ZNF483: variants seen among roughly 807,000 people sequenced by gnomAD.
ZNF483 encodes zinc finger protein 483, also known as zinc finger protein HIT-10.
ZNF483 carries 9 observed loss-of-function variants against 28.6 expected under a neutral mutation model. That is an observed-to-expected ratio of 0.32 (90% confidence interval 0.19 to 0.55). The LOEUF (loss-of-function observed/expected upper bound fraction) is 0.55, where lower values mean the gene tolerates loss of function less well. Ranked by LOEUF, ZNF483 falls within the 20% of genes least tolerant of loss-of-function variation. ZNF483 has a pLI of 0.93. For missense variants in ZNF483, 675 were observed against 871.7 expected, an observed-to-expected ratio of 0.77 and a Z score of 2.84; for synonymous variants, 322 against 306.2, an observed-to-expected ratio of 1.05 and a Z score of -0.54.
chr9:111,530,114 C>T (rs7868793), intron 2 of ZNF483, among the ~76,000 whole-genome samples: 51,638 of 151,976 alleles, frequency 0.34, 9,539 homozygotes, highest in Non-Finnish European at 0.42. Context: ...TGGAACTCAG[C>T]TCCACCCCCC....
In ZNF483 at chr9:111,542,164, C is replaced by T; in HGVS notation, c.1229C>T (p.Thr410Ile). Residue 410 changes from threonine (T) to isoleucine (I), a missense_variant, in exon 6 of 6, where the codon ACC becomes ATC. Thr to Ile is a moderately conservative substitution (Grantham distance 89). This residue lies in a region of ZNF483 where 525 missense variants were observed against 581.8 expected (regional missense o/e 0.90). Transcript: ENST00000309235. This position sits in a 1 kb window ranked among gnomAD's most constrained non-coding sequence, Gnocchi z 6.2. The stretch of plus-strand genomic sequence containing the variant: ...AGATCAACTCTTTCTAGGAGAAAAA[C>T]CCCTATGTGTGAGAAATGTCGGAAA... ...IRRSTLSRRK[T>I]PMCEKCRKDS... The T allele has an allele frequency of 6.2e-7, 1 of 1,613,958 alleles. No individual in the cohort carries two copies. The highest frequency in any genetic ancestry group is 8.5e-7 in the Non-Finnish European group (1 of 1,180,014).
At chr9:111,563,391 G>T in intron 5 of ZNF483, 1 of 639,990 alleles carries the variant, frequency 1.6e-6, no homozygotes, top group Non-Finnish European at 2.6e-6. Context: ...GGTGGGGCAA[G>T]ATCCACTTAC....
rs1401198643 is a variant in ZNF483, at chr9:111,551,816, A to G, written c.*8646A>G. 6.6e-6 allele frequency among the ~76,000 whole-genome samples: 1 copy of G among 152,204 alleles called. No individual in the cohort carries two copies. Among genetic ancestry groups the G allele is most frequent in the African/African-American group, 2.4e-5 (1 of 41,452 alleles). ...AAACTTTTTAAGTAAATTCAGTAAC[A>G]TATCAATTCAGTTTATTAGCATCAA... On this transcript the variant is annotated 3_prime_UTR_variant, in exon 6 of 6. Transcript: ENST00000309235.
At chr9:111,565,053 G>A (rs1035218890) in intron 5 of ZNF483, among the ~76,000 whole-genome samples, 2 of 152,164 alleles carry the variant, frequency 1.3e-5, no homozygotes, top group African/African-American at 2.4e-5. Context: ...GAACCCGGCA[G>A]GCGGAGGTTG....
chr9:111,534,440 G>C, intron 5 of ZNF483, 87 bp downstream of exon 5: 3 of 1,107,912 alleles, frequency 2.7e-6, no homozygotes. Context: ...GGGCTGCCTA[G>C]ATACTAAAAT....
intron 5 of ZNF483, among the ~76,000 whole-genome samples, chr9:111,539,112 C>CAAAAA (rs11367090): frequency 1.5e-5 from 1 of 64,896 alleles, no homozygotes; most frequent in African/African-American, 6.5e-5. Context: ...GACTCCGTCT[C>CAAAAA]AAAAAAAAAA....
At chr9:111,538,122 GGTT>G (rs1027045837) in intron 5 of ZNF483, among the ~76,000 whole-genome samples, 27 of 150,824 alleles carry the variant, frequency 1.8e-4, no homozygotes, top group Non-Finnish European at 3.1e-4. Context: ...ACATTTTTGG[GGTT>G]GTTTTTTTTT....
At position 111,551,594 on chromosome 9, in the gene ZNF483, G is replaced by T. The variant is rs1336967294; in HGVS notation, c.*8424G>T. On this transcript the variant is annotated 3_prime_UTR_variant, in exon 6 of 6. Transcript: ENST00000309235. ...GGCTAATTATTTTAGTAGAGGCGGG[G>T]TTTCACTGTGTTGCCCAGGCTGTTC... Among the ~76,000 whole-genome samples, 1 of 151,786 alleles carries T rather than the reference G, an allele frequency of 6.6e-6. No individual in the cohort carries two copies. The highest frequency in any genetic ancestry group is 6.6e-5 in the Admixed American group (1 of 15,238).
downstream of ZNF483, among the ~76,000 whole-genome samples, chr9:111,560,171 C>T (rs1349933018): frequency 6.6e-6 from 1 of 151,782 alleles, no homozygotes; most frequent in Non-Finnish European, 1.5e-5. Context: ...CATGGCAATA[C>T]CCATCACTAC....
intron 5 of ZNF483, among the ~76,000 whole-genome samples, chr9:111,561,136 G>GGTGGCAGTGAGTGGAGATCGC (rs1828294799): frequency 1.9e-5 from 1 of 52,124 alleles, no homozygotes; most frequent in Non-Finnish European, 3.4e-5. Flanking sequence ...GAGAGAGAGA[G>GGTGGCAGTGAGTGGAGATCGC]AGGAGAGAGA....
chr9:111,557,966 G>T (rs762580674), downstream of ZNF483, among the ~76,000 whole-genome samples: 2 of 152,158 alleles, frequency 1.3e-5, no homozygotes, highest in African/African-American at 4.8e-5. Context: ...GGCCAAAATA[G>T]TGAAACTCTG....
At chr9:111,562,668 A>G (rs7858562) in intron 5 of ZNF483, 78,486 of 153,524 alleles carry the variant, frequency 0.51, 20,597 homozygotes, top group African/African-American at 0.58. Context: ...GTGTGCCATG[A>G]TGGTTTGCTT....
In ZNF483 at chr9:111,549,867, G is replaced by T; in HGVS notation, c.*6697G>T. On this transcript the variant is annotated 3_prime_UTR_variant, in exon 6 of 6. Coordinates refer to ENST00000309235, the MANE Select transcript of ZNF483 (RefSeq NM_133464.5). ...AGGCAGTTGCTTTAAAGTCTGTCTA[G>T]TGAGTCAATGTTTGGTCTTCCTCAT... 1.0e-6 allele frequency: 1 copy of T among 978,330 alleles called. No individual in the cohort carries two copies. Among genetic ancestry groups the T allele is most frequent in the Non-Finnish European group, 1.6e-6 (1 of 639,150 alleles). The allele number at this position is 978,330 out of a possible 1,614,324, so 60.6% of individuals were successfully genotyped here.
At chr9:111,530,495 G>A (rs1827296775) in intron 2 of ZNF483, among the ~76,000 whole-genome samples, 1 of 151,900 alleles carries the variant, frequency 6.6e-6, no homozygotes, top group African/African-American at 2.4e-5. Flanking sequence ...GCCCTGGAGG[G>A]TCGGACATGA....
At position 111,544,460 on chromosome 9, in the gene ZNF483, T is replaced by A; in HGVS notation, c.*1290T>A. On this transcript the variant is annotated 3_prime_UTR_variant, in exon 6 of 6. Coordinates refer to ENST00000309235, the MANE Select transcript of ZNF483 (RefSeq NM_133464.5). The stretch of plus-strand genomic sequence containing the variant: ...AAAAAATTATAAGGGCTAACAACAC[T>A]GGGCTTTTATTTATGTAAAGCACTC... 1 of 726,218 alleles carries A rather than the reference T, an allele frequency of 1.4e-6. No homozygotes were observed. The allele number at this position is 726,218 out of a possible 1,614,324, so 45.0% of individuals were successfully genotyped here.
intron 2 of ZNF483, among the ~76,000 whole-genome samples, chr9:111,528,576 A>C (rs1827239415): frequency 6.6e-6 from 1 of 152,134 alleles, no homozygotes; most frequent in Admixed American, 6.5e-5. Context: ...ATATGATACA[A>C]ATATTTGTAT....
intron 5 of ZNF483, among the ~76,000 whole-genome samples, chr9:111,536,246 G>T (rs956539514): frequency 6.6e-6 from 1 of 151,768 alleles, no homozygotes; most frequent in Non-Finnish European, 1.5e-5. Context: ...TAGGCCAAGC[G>T]TGGTGGCTCA....
rs1827845217 is a variant in ZNF483, at chr9:111,548,029, A to T, written c.*4859A>T. Among the ~76,000 whole-genome samples, 1 of 152,120 alleles carries T rather than the reference A, an allele frequency of 6.6e-6. No homozygotes were observed. The highest frequency in any genetic ancestry group is 1.5e-5 in the Non-Finnish European group (1 of 68,006). On this transcript the variant is annotated 3_prime_UTR_variant, in exon 6 of 6. Transcript: ENST00000309235. The stretch of plus-strand genomic sequence containing the variant: ...ACCATGCTATTTTGATTACTCCAGT[A>T]ATGTTTTGTAATCAGGATTACACTA...
At chr9:111,567,455 G>A (rs964535123) in intron 5 of ZNF483, among the ~76,000 whole-genome samples, 2 of 152,152 alleles carry the variant, frequency 1.3e-5, no homozygotes, top group Non-Finnish European at 2.9e-5. Flanking sequence ...AAAGTGCTGG[G>A]ATTACAAGTG....
Sources: gnomAD v4.1 joint callset for allele counts (sites outside exome capture counted in the v4.1 genomes callset) on GRCh38, gnomAD v4.1.1 for gene constraint, gnomAD v4.1.1 regional missense constraint, Gnocchi (gnomAD v3.1) non-coding constraint, MANE v1.5 for transcripts, NCBI Gene and HGNC (gene_info 2026-07-23, HGNC 2026-07-21) for gene names.